Variants in COLEC11 observed in about 807,000 individuals in gnomAD.
COLEC11 encodes the protein collectin subfamily member 11, also known as collectin-11.
In COLEC11, 20 loss-of-function variants were observed where a neutral mutation model predicts 27.3. The ratio of observed to expected loss-of-function variants is 0.73; its 90% confidence interval spans 0.51 to 1.06. COLEC11 has a LOEUF of 1.06. Ranked by LOEUF, COLEC11 falls within the 50% of genes least tolerant of loss-of-function variation. The pLI is 0.00. For missense variants in COLEC11, 310 were observed against 383.0 expected, an observed-to-expected ratio of 0.81 and a Z score of 1.59; for synonymous variants, 163 against 154.7, an observed-to-expected ratio of 1.05 and a Z score of -0.40.
intron 3 of COLEC11, among the ~76,000 whole-genome samples, chr2:3,616,142 G>T (rs1376412497): frequency 6.7e-6 from 1 of 149,232 alleles, no homozygotes; most frequent in African/African-American, 2.5e-5. Flanking sequence ...GGGCAGAGGC[G>T]CTCCTCACAT....
chr2:3,601,003 C>G (rs937664821), intron 1 of COLEC11, among the ~76,000 whole-genome samples: 1 of 152,172 alleles, frequency 6.6e-6, no homozygotes, highest in Non-Finnish European at 1.5e-5. Context: ...GAGTCGGGAG[C>G]CCCCACTTTC....
At chr2:3,635,097 T>A (rs1665298685) in intron 3 of COLEC11, among the ~76,000 whole-genome samples, 1 of 21,722 alleles carries the variant, frequency 4.6e-5, no homozygotes, top group African/African-American at 1.0e-4. Context: ...TGTCCCCCTC[T>A]CCCCTGCCTG....
At chr2:3,612,401 G>A (rs567360704) in intron 2 of COLEC11, among the ~76,000 whole-genome samples, 4 of 152,202 alleles carry the variant, frequency 2.6e-5, no homozygotes, top group South Asian at 2.1e-4. Context: ...GAGAGAATCC[G>A]GAAGAGCCTC....
At chr2:3,640,497 C>T (rs536336428) in intron 5 of COLEC11, among the ~76,000 whole-genome samples, 166 bp downstream of exon 5, 109 of 136,892 alleles carry the variant, frequency 8.0e-4, no homozygotes, top group African/African-American at 2.7e-3. Flanking sequence ...CACCCACCCC[C>T]GTCACATCCC....
chr2:3,624,321 G>A (rs1297318537), intron 3 of COLEC11, among the ~76,000 whole-genome samples: 1 of 152,160 alleles, frequency 6.6e-6, no homozygotes, highest in Non-Finnish European at 1.5e-5. Context: ...GTCCAGTTGG[G>A]ATGGTTCACA....
chr2:3,643,890 C>A lies in COLEC11; in HGVS notation c.588C>A (p.Ala196=). The A allele has an allele frequency of 6.2e-7, 1 of 1,613,842 alleles. No individual in the cohort carries two copies. ...TGATGGCCGCATACCTGGCGCAAGCCGGCCTGGCCCGTGTCTTCATCGGCA... is the reference window on the plus strand; with the variant it reads ...TGATGGCCGCATACCTGGCGCAAGCAGGCCTGGCCCGTGTCTTCATCGGCA... ...NGLMAAYLAQ[A]GLARVFIGIN... The change falls in exon 7 of 7, where the codon GCC becomes GCA. Residue 196 remains alanine, a synonymous_variant. Transcript: ENST00000349077.
At chr2:3,639,845 A>C (rs1397497251) in intron 4 of COLEC11, among the ~76,000 whole-genome samples, 1 of 152,026 alleles carries the variant, frequency 6.6e-6, no homozygotes, top group East Asian at 1.9e-4. Flanking sequence ...GGCAGGAAGG[A>C]GTGCACCGAC....
At chr2:3,613,775 C>G (rs539852843) in intron 3 of COLEC11, among the ~76,000 whole-genome samples, 1 of 152,148 alleles carries the variant, frequency 6.6e-6, no homozygotes, top group African/African-American at 2.4e-5. Flanking sequence ...TCTCCTCCTT[C>G]GTAAAGTCGT....
At chr2:3,617,402 G>A (rs574643969) in intron 3 of COLEC11, 34 of 915,548 alleles carry the variant, frequency 3.7e-5, no homozygotes, top group African/African-American at 2.3e-4. Context: ...TTCGTTGTCC[G>A]TAGTTCTTTG....
At position 3,643,788 on chromosome 2, in the gene COLEC11, C is replaced by T; in HGVS notation, c.486C>T (p.Arg162=). Reference sequence around the variant, plus strand: ...ACCTGCTGGTGAAGGAGGAGAAGCGCTACGCGGACGCCCAGCTGTCCTGCC... The same window carrying T: ...ACCTGCTGGTGAAGGAGGAGAAGCGTTACGCGGACGCCCAGCTGTCCTGCC... ...KIYLLVKEEK[R]YADAQLSCQG... is the part of the protein sequence containing the mutation. The change falls in exon 7 of 7, where the codon CGC becomes CGT. Residue 162 remains arginine (R), a synonymous_variant. Transcript: ENST00000349077. 1 of 1,613,606 alleles carries T rather than the reference C, an allele frequency of 6.2e-7. No individual in the cohort carries two copies. Among genetic ancestry groups the T allele is most frequent in the Admixed American group, 1.7e-5 (1 of 60,034 alleles).
chr2:3,633,642 G>A (rs1665175653), intron 3 of COLEC11, among the ~76,000 whole-genome samples: 1 of 152,192 alleles, frequency 6.6e-6, no homozygotes, highest in Non-Finnish European at 1.5e-5. Flanking sequence ...CGACGGGGGA[G>A]CGGCGTGAAG....
chr2:3,628,082 C>T (rs1171818294), intron 3 of COLEC11, among the ~76,000 whole-genome samples: 2 of 152,282 alleles, frequency 1.3e-5, no homozygotes, highest in African/African-American at 4.8e-5. Context: ...CGCTCTCATC[C>T]TTGCGTCTTC....
chr2:3,614,947 T>C (rs1367807910), intron 3 of COLEC11, among the ~76,000 whole-genome samples: 1 of 152,208 alleles, frequency 6.6e-6, no homozygotes, highest in African/African-American at 2.4e-5. Flanking sequence ...ACAGTACCTT[T>C]AAAATCCTGA....
At chr2:3,608,082 G>C (rs1403486230) in intron 2 of COLEC11, among the ~76,000 whole-genome samples, 1 of 152,202 alleles carries the variant, frequency 6.6e-6, no homozygotes, top group East Asian at 1.9e-4. Flanking sequence ...TAAATATGTC[G>C]AAGTATCTTA....
chr2:3,639,493 C>T (rs112627103), intron 4 of COLEC11, among the ~76,000 whole-genome samples: 49 of 152,288 alleles, frequency 3.2e-4, no homozygotes, highest in Middle Eastern at 3.4e-3. Context: ...GTGGAGACTG[C>T]GAAACTCCTT....
intron 1 of COLEC11, among the ~76,000 whole-genome samples, chr2:3,597,739 G>A (rs866951933): frequency 4.0e-5 from 6 of 151,592 alleles, no homozygotes; most frequent in Admixed American, 1.3e-4. Flanking sequence ...TTCGACTTGC[G>A]TACTGAGTGG....
At chr2:3,636,639 A>G (rs1252055507) in intron 3 of COLEC11, among the ~76,000 whole-genome samples, 1 of 152,186 alleles carries the variant, frequency 6.6e-6, no homozygotes, top group Non-Finnish European at 1.5e-5. Context: ...TTCTTTTCCC[A>G]GTTTTTCCCT....
chr2:3,617,826 G>A (rs920640985), intron 3 of COLEC11: 14 of 672,040 alleles, frequency 2.1e-5, no homozygotes, highest in East Asian at 1.0e-4. Flanking sequence ...CTAAGGGCTC[G>A]CCTTTCTCCA....
At chr2:3,622,362 G>A (rs1278194691) in intron 3 of COLEC11, among the ~76,000 whole-genome samples, 2 of 151,796 alleles carry the variant, frequency 1.3e-5, no homozygotes, top group African/African-American at 4.8e-5. Context: ...AAATTATTGT[G>A]GCTATAGTTA....
Sources: gnomAD v4.1 joint callset for allele counts (sites outside exome capture counted in the v4.1 genomes callset) on GRCh38, gnomAD v4.1.1 for gene constraint, MANE v1.5 for transcripts, NCBI Gene and HGNC (gene_info 2026-07-23, HGNC 2026-07-21) for gene names.